LAMA3: variants seen among roughly 807,000 people sequenced by gnomAD.
LAMA3 encodes laminin subunit alpha 3, also known as laminin subunit alpha-3.
A neutral mutation model predicts 402.0 loss-of-function variants in LAMA3; 281 were observed. That is an observed-to-expected ratio of 0.70 (90% CI 0.63 to 0.77). The LOEUF (loss-of-function observed/expected upper bound fraction) is 0.77, where lower values mean the gene tolerates loss of function less well. LAMA3 is among the 30% of genes least tolerant of loss of function. The pLI is 0.00. For synonymous variants in LAMA3, 1,431 were observed against 1,558.4 expected, an observed-to-expected ratio of 0.92 and a Z score of 1.93; for missense variants, 3,840 against 4,215.5, an observed-to-expected ratio of 0.91 and a Z score of 2.47.
rs2063047979 is a variant in LAMA3, at chr18:23,810,521, T to C, written c.1741+18T>C. 1.2e-6 allele frequency: 2 copies of C among 1,613,556 alleles called. No homozygotes were observed. Among genetic ancestry groups the C allele is most frequent in the South Asian group, 1.1e-5 (1 of 91,054 alleles). ...CTGCCAAGGTAGGAAAGTCAGCAGA[T>C]TGCTAGAGGGCTGGTTCCTCTCTGA... On this transcript the variant is annotated intron_variant, in intron 13 of 74. Coordinates refer to ENST00000313654, the MANE Select transcript of LAMA3 (RefSeq NM_198129.4).
chr18:23,749,516 T>C lies in LAMA3; in HGVS notation c.654T>C (p.Tyr218=). Residue 218 remains tyrosine (Y), a synonymous_variant, in exon 4 of 75, where the codon TAT becomes TAC. Coordinates refer to ENST00000313654, the MANE Select transcript of LAMA3 (RefSeq NM_198129.4). ...ATGATGTACTTTGTGTTACTGAATA[T>C]TCCCGTATTGTACCTTTGGAAAATG... is the stretch of plus-strand genomic sequence containing the variant. ...RDDDVLCVTE[Y]SRIVPLENGE... is the part of the protein sequence containing the mutation. The C allele has an allele frequency of 6.2e-7, 1 of 1,609,516 alleles. No homozygotes were observed. Among genetic ancestry groups the C allele is most frequent in the Non-Finnish European group, 8.5e-7 (1 of 1,175,806 alleles).
At chr18:23,698,751 T>C (rs930782000) in intron 1 of LAMA3, among the ~76,000 whole-genome samples, 9 of 152,160 alleles carry the variant, frequency 5.9e-5, no homozygotes, top group African/African-American at 2.2e-4. Context: ...ATTTAGCAAA[T>C]ATTTATTGGC....
chr18:23,832,275 G>A (rs12969104), intron 23 of LAMA3, among the ~76,000 whole-genome samples: 71,745 of 151,890 alleles, frequency 0.47, 19,174 homozygotes, highest in Non-Finnish European at 0.62. Context: ...CAGTAACCTC[G>A]CCACACGGAG....
intron 2 of LAMA3, among the ~76,000 whole-genome samples, chr18:23,719,123 G>C (rs1194991859): frequency 6.6e-6 from 1 of 152,112 alleles, no homozygotes; most frequent in Non-Finnish European, 1.5e-5. Flanking sequence ...TGTGCTTCTT[G>C]AGGTCAACTC....
intron 12 of LAMA3, among the ~76,000 whole-genome samples, chr18:23,801,297 A>T (rs1257402230): frequency 6.6e-6 from 1 of 152,194 alleles, no homozygotes; most frequent in Non-Finnish European, 1.5e-5. Context: ...GGACTTCTAG[A>T]GGGAGGAGGA....
Position 23,916,669 on chromosome 18 carries a change from G to T in LAMA3, c.7897G>T (p.Gly2633Cys). 6.2e-7 allele frequency: 1 copy of T among 1,614,164 alleles called. No homozygotes were observed. The highest frequency in any genetic ancestry group is 8.5e-7 in the Non-Finnish European group (1 of 1,180,028). ...GQTIQTTVDRGLLFFAENGDR... is the reference protein window; with the variant it reads ...GQTIQTTVDRCLLFFAENGDR... ...GACAATTCAGACCACCGTGGATAGA[G>T]GCTTGCTGTTCTTTGCAGAAAACGG... is the stretch of plus-strand genomic sequence containing the variant. Residue 2633 changes from glycine to cysteine, a missense_variant, in exon 60 of 75, where the codon GGC (glycine) becomes TGC (cysteine). This residue lies in a region of LAMA3 where 840 missense variants were observed against 981.9 expected (regional missense o/e 0.86). Transcript: ENST00000313654.
chr18:23,700,405 G>A (rs2060771062), intron 1 of LAMA3, among the ~76,000 whole-genome samples: 3 of 152,146 alleles, frequency 2.0e-5, no homozygotes, highest in Non-Finnish European at 1.5e-5. Context: ...TGGGCTTTAA[G>A]ACTTCCAGAA....
intron 8 of LAMA3, among the ~76,000 whole-genome samples, chr18:23,770,856 C>T (rs2062184652): frequency 6.6e-6 from 1 of 152,126 alleles, no homozygotes; most frequent in African/African-American, 2.4e-5. Flanking sequence ...ACTACATACT[C>T]CCCAGGATTG....
intron 1 of LAMA3, chr18:23,710,173 CT>C: frequency 1.2e-5 from 8 of 687,838 alleles, no homozygotes; most frequent in East Asian, 9.2e-5. Flanking sequence ...ACGTGCAGAT[CT>C]TTTTTTGTGT....
chr18:23,921,709 A>T, intron 62 of LAMA3, 124 bp downstream of exon 62: 1 of 918,332 alleles, frequency 1.1e-6, no homozygotes, highest in Admixed American at 1.8e-5. Flanking sequence ...TAACTTTTCC[A>T]TATTAACAGT....
At chr18:23,823,500 A>G (rs989100733) in intron 20 of LAMA3, among the ~76,000 whole-genome samples, 2 of 152,292 alleles carry the variant, frequency 1.3e-5, no homozygotes, top group South Asian at 2.1e-4. Flanking sequence ...GTTATGTCCC[A>G]TGGTAACTGG....
intron 66 of LAMA3, 40 bp downstream of exon 66, chr18:23,932,331 C>G: frequency 1.2e-6 from 2 of 1,609,220 alleles, no homozygotes; most frequent in South Asian, 2.2e-5. Flanking sequence ...ATGAGAACGG[C>G]CTGCCCATGG....
intron 12 of LAMA3, among the ~76,000 whole-genome samples, chr18:23,792,186 C>T (rs2062671579): frequency 6.6e-6 from 1 of 152,148 alleles, no homozygotes; most frequent in African/African-American, 2.4e-5. Context: ...CATGAGGGAC[C>T]TCTGATGTGT....
At chr18:23,888,847 G>A (rs1195904295) in intron 41 of LAMA3, among the ~76,000 whole-genome samples, 2 of 151,816 alleles carry the variant, frequency 1.3e-5, no homozygotes, top group Admixed American at 6.6e-5. Context: ...GACAATTTGG[G>A]GGTGACTGGA....
Position 23,815,311 on chromosome 18 carries a change from C to T in LAMA3, c.1941+71C>T, listed in dbSNP as rs964714119. 67 of 1,457,316 alleles carry T rather than the reference C, an allele frequency of 4.6e-5. No homozygotes were observed. The South Asian group carries it at 6.5e-4, about 14-fold the overall frequency. The allele number at this position is 1,457,316 out of a possible 1,614,324, so 90.3% of individuals were successfully genotyped here. A position where few individuals can be genotyped will look rare whatever the true frequency, so the allele number is the denominator to read the frequency against. The stretch of plus-strand genomic sequence containing the variant: ...CAACTGCTTGTGGGGTTTCTGGGGG[C>T]GTGTGTTAGTACTTCTGTCATTCTA... On this transcript the variant is annotated intron_variant, in intron 16 of 74. Transcript: ENST00000313654.
intron 11 of LAMA3, among the ~76,000 whole-genome samples, chr18:23,781,863 G>A (rs1308279246): frequency 6.6e-6 from 1 of 152,212 alleles, no homozygotes; most frequent in Non-Finnish European, 1.5e-5. Context: ...GAAACAGTCA[G>A]TATGCTAAAA....
chr18:23,865,086 C>G (rs1470439844), intron 36 of LAMA3, among the ~76,000 whole-genome samples: 1 of 152,258 alleles, frequency 6.6e-6, no homozygotes, highest in African/African-American at 2.4e-5. Flanking sequence ...TCTGTCTTCT[C>G]TGCCTCCAAA....
chr18:23,798,997 C>T (rs538020066), intron 12 of LAMA3, among the ~76,000 whole-genome samples: 1 of 152,286 alleles, frequency 6.6e-6, no homozygotes, highest in South Asian at 2.1e-4. Context: ...TGAAGTAACA[C>T]GTATCAAGAA....
At chr18:23,764,052 A>T (rs751515161) in intron 8 of LAMA3, among the ~76,000 whole-genome samples, 4 of 152,200 alleles carry the variant, frequency 2.6e-5, no homozygotes, top group Non-Finnish European at 5.9e-5. Flanking sequence ...GCATCTCTTC[A>T]TTGAGATATT....
Sources: gnomAD v4.1 joint callset for allele counts (sites outside exome capture counted in the v4.1 genomes callset) on GRCh38, gnomAD v4.1.1 for gene constraint, gnomAD v4.1.1 regional missense constraint, MANE v1.5 for transcripts, NCBI Gene and HGNC (gene_info 2026-07-23, HGNC 2026-07-21) for gene names.